DPP10: variants seen among roughly 807,000 people sequenced by gnomAD.
The protein encoded by DPP10 is inactive dipeptidyl peptidase 10.
Under a neutral mutation model 120.9 loss-of-function variants are expected in DPP10, and 33 were observed. That is an observed-to-expected ratio of 0.27 (90% CI 0.21 to 0.37). The LOEUF (loss-of-function observed/expected upper bound fraction) is 0.37. Among genes scored for constraint, DPP10 ranks in the 10% least tolerant of loss-of-function variants. DPP10 has a pLI of 1.00. For missense variants in DPP10, 816 were observed against 942.8 expected (o/e 0.87, Z 1.76); for synonymous variants, 337 against 326.1 (o/e 1.03, Z -0.36).
chr2:115,398,284 A>C (rs1232497343), intron 3 of DPP10, among the ~76,000 whole-genome samples: 1 of 151,928 alleles, frequency 6.6e-6, no homozygotes, highest in Non-Finnish European at 1.5e-5. Context: ...TATGTGATAA[A>C]ATGTATTGTA....
At chr2:114,555,834 G>A (rs556304863) in intron 1 of DPP10, among the ~76,000 whole-genome samples, 3 of 152,228 alleles carry the variant, frequency 2.0e-5, no homozygotes, top group South Asian at 2.1e-4. Context: ...AATACTAAGA[G>A]GGTGGAGCCA....
At chr2:115,489,074 C>T (rs968730654) in intron 3 of DPP10, among the ~76,000 whole-genome samples, 3 of 151,896 alleles carry the variant, frequency 2.0e-5, no homozygotes, top group African/African-American at 7.3e-5. Context: ...TTGAATGAGG[C>T]AAACAATTAA....
chr2:114,657,757 T>C (rs924102812), intron 1 of DPP10, among the ~76,000 whole-genome samples: 1 of 152,214 alleles, frequency 6.6e-6, no homozygotes, highest in Admixed American at 6.5e-5. Context: ...TGATGTTTAA[T>C]GAAATTTAAG....
chr2:115,622,156 A>G (rs1035744160), intron 5 of DPP10, among the ~76,000 whole-genome samples: 2 of 151,948 alleles, frequency 1.3e-5, no homozygotes, highest in African/African-American at 2.4e-5. Context: ...CACATTAGCA[A>G]TCTCTCCCCA....
At chr2:115,066,016 T>C (rs1223414167) in intron 1 of DPP10, among the ~76,000 whole-genome samples, 1 of 152,198 alleles carries the variant, frequency 6.6e-6, no homozygotes, top group African/African-American at 2.4e-5. Flanking sequence ...TTAATTAAAA[T>C]GGGACATTAA....
intron 1 of DPP10, among the ~76,000 whole-genome samples, chr2:114,736,981 TG>T (rs1677503552): frequency 6.6e-6 from 1 of 152,200 alleles, no homozygotes; most frequent in South Asian, 2.1e-4. Flanking sequence ...CATAGAAACA[TG>T]TATAAATGTA....
At chr2:114,604,444 C>T (rs141915259) in intron 1 of DPP10, among the ~76,000 whole-genome samples, 1 of 152,190 alleles carries the variant, frequency 6.6e-6, no homozygotes, top group Non-Finnish European at 1.5e-5. Flanking sequence ...CATAGCAGAG[C>T]AGGAAACAGA....
intron 24 of DPP10, among the ~76,000 whole-genome samples, chr2:115,840,164 C>CA (rs1689942127): frequency 6.6e-6 from 1 of 151,122 alleles, no homozygotes; most frequent in African/African-American, 2.4e-5. Flanking sequence ...TAAATACTAT[C>CA]CAGTAAAGTA....
At chr2:115,674,025 A>G (rs974201324) in intron 5 of DPP10, among the ~76,000 whole-genome samples, 18 of 152,146 alleles carry the variant, frequency 1.2e-4, no homozygotes, top group Non-Finnish European at 2.6e-4. Flanking sequence ...CAGCCTGACC[A>G]ACAAGGAGAA....
At chr2:115,145,712 G>A (rs2051185604) in intron 1 of DPP10, among the ~76,000 whole-genome samples, 1 of 152,058 alleles carries the variant, frequency 6.6e-6, no homozygotes, top group Admixed American at 6.6e-5. Context: ...ATTTAGTTTT[G>A]TAAGAACTGT....
intron 3 of DPP10, among the ~76,000 whole-genome samples, chr2:115,369,891 A>G (rs1306091579): frequency 1.3e-5 from 2 of 152,084 alleles, no homozygotes; most frequent in African/African-American, 2.4e-5. Flanking sequence ...ACTTCTGTTT[A>G]TGTTAATCCT....
chr2:115,596,536 C>T (rs530015163), intron 5 of DPP10, among the ~76,000 whole-genome samples: 8 of 152,114 alleles, frequency 5.3e-5, no homozygotes, highest in Non-Finnish European at 1.2e-4. Flanking sequence ...TTCAAAGTTT[C>T]TCTCCAGTAT....
intron 1 of DPP10, among the ~76,000 whole-genome samples, chr2:115,118,050 A>G (rs1213426091): frequency 1.3e-5 from 2 of 152,214 alleles, no homozygotes; most frequent in Non-Finnish European, 2.9e-5. Context: ...AATCTTTTTC[A>G]CCAAAACCTA....
intron 1 of DPP10, among the ~76,000 whole-genome samples, chr2:115,225,353 G>A (rs1318264062): frequency 1.3e-5 from 2 of 152,084 alleles, no homozygotes; most frequent in Admixed American, 6.6e-5. Context: ...GTGAGAGGCC[G>A]ATCTCAGGTC....
chr2:115,148,580 A>T lies in DPP10; in HGVS notation c.61-160659A>T, dbSNP rs150767391. Reference sequence around the variant, plus strand: ...GAGGTTTATCATCACTTTAAAAAATAATGGTTGAGAAGGAATTGCTCTAAG... The same window carrying T: ...GAGGTTTATCATCACTTTAAAAAATTATGGTTGAGAAGGAATTGCTCTAAG... On this transcript the variant is annotated intron_variant, in intron 1 of 25. Transcript: ENST00000410059. 2.6e-3 allele frequency among the ~76,000 whole-genome samples: 389 copies of T among 152,320 alleles called. 2 individuals are homozygous for T. Among genetic ancestry groups the T allele is most frequent in the African/African-American group, 9.1e-3 (378 of 41,574 alleles).
At chr2:115,134,340 T>C (rs1382449503) in intron 1 of DPP10, among the ~76,000 whole-genome samples, 1 of 152,180 alleles carries the variant, frequency 6.6e-6, no homozygotes, top group Non-Finnish European at 1.5e-5. Flanking sequence ...TTTGGACCCA[T>C]TCTTTGGGGT....
chr2:115,086,950 A>G (rs576212608), intron 1 of DPP10, among the ~76,000 whole-genome samples: 2 of 152,304 alleles, frequency 1.3e-5, no homozygotes, highest in South Asian at 4.1e-4. Flanking sequence ...TTTCGTCAAC[A>G]TATACTATAA....
rs777307107 is a variant in DPP10 at position 115,200,755 on chromosome 2, G to A, written c.61-108484G>A. Among the ~76,000 whole-genome samples the A allele has an allele frequency of 9.2e-5, 14 of 152,066 alleles. No individual in the cohort carries two copies. In the East Asian group the frequency reaches 1.2e-3, roughly 13 times the overall value. On this transcript the variant is annotated intron_variant, in intron 1 of 25. Coordinates refer to ENST00000410059, the MANE Select transcript of DPP10 (RefSeq NM_020868.6). ...CTTTCTGAACCTATTCTCATAAATC[G>A]CAATTTTATTACTGTTTATACTTGT...
chr2:115,734,000 G>A (rs2092973330), intron 8 of DPP10, among the ~76,000 whole-genome samples: 1 of 152,206 alleles, frequency 6.6e-6, no homozygotes, highest in East Asian at 1.9e-4. Flanking sequence ...AAAGAAGCTT[G>A]TGCCTTATCC....
Sources: gnomAD v4.1 joint callset for allele counts (sites outside exome capture counted in the v4.1 genomes callset) on GRCh38, gnomAD v4.1.1 for gene constraint, MANE v1.5 for transcripts, NCBI Gene and HGNC (gene_info 2026-07-23, HGNC 2026-07-21) for gene names.